The following PDZD2 variants were observed in gnomAD, a reference collection of about 807,000 sequenced individuals.
PDZD2 encodes the protein PDZ domain containing 2.
PDZD2 carries 90 observed loss-of-function variants against 220.7 expected under a neutral mutation model. The ratio of observed to expected loss-of-function variants is 0.41; its 90% CI spans 0.34 to 0.49. PDZD2 has a LOEUF of 0.49. Among genes scored for constraint, PDZD2 ranks in the 20% least tolerant of loss-of-function variants. The pLI is 0.28. For synonymous variants in PDZD2, 1,375 were observed against 1,450.5 expected, an observed-to-expected ratio of 0.95 and a Z score of 1.18; for missense variants, 3,174 against 3,608.5, an observed-to-expected ratio of 0.88 and a Z score of 3.08.
At position 32,019,139 on chromosome 5, in the gene PDZD2, C is replaced by CTTTT. The variant is rs3037908; in HGVS notation, c.1407+8674_1407+8677dup. Among the ~76,000 whole-genome samples, 60 of 106,184 alleles carry CTTTT rather than the reference C, an allele frequency of 5.7e-4. 1 individual carries two copies. Among genetic ancestry groups the CTTTT allele is most frequent in the African/African-American group, 7.6e-4 (21 of 27,550 alleles). 69.7% of individuals were successfully genotyped at this position (106,184 alleles called of 152,430 possible). A position where few individuals can be genotyped will look rare whatever the true frequency, so the allele number is the denominator to read the frequency against. The stretch of plus-strand genomic sequence containing the variant: ...AGCTCATGTCATTTGCATAGAAAAG[C>CTTTT]TTTTTTTTTTTTTTTTTTTTGAGAC... On this transcript the variant is annotated intron_variant, in intron 6 of 24. Transcript: ENST00000438447.
intron 1 of PDZD2, among the ~76,000 whole-genome samples, chr5:31,683,640 G>T (rs1357082110): frequency 3.9e-5 from 6 of 152,108 alleles, no homozygotes; most frequent in Admixed American, 2.0e-4. Context: ...GCTCATAAAG[G>T]TTTCCTGCAT....
At chr5:31,963,576 C>G (rs529331778) in intron 2 of PDZD2, among the ~76,000 whole-genome samples, 2 of 152,190 alleles carry the variant, frequency 1.3e-5, no homozygotes, top group Non-Finnish European at 2.9e-5. Context: ...CCCGCAGCCT[C>G]GCTGGGATGG....
intron 2 of PDZD2, among the ~76,000 whole-genome samples, chr5:31,873,739 C>CTTT (rs112360135): frequency 0.36 from 51,744 of 144,896 alleles, 9,462 homozygotes; most frequent in South Asian, 0.48. Context: ...AGTCTTGAGT[C>CTTT]TTTTTTTTTT....
At chr5:31,770,636 C>T (rs971025510) in intron 1 of PDZD2, among the ~76,000 whole-genome samples, 1 of 152,052 alleles carries the variant, frequency 6.6e-6, no homozygotes, top group Non-Finnish European at 1.5e-5. Context: ...CTGGTCCAGG[C>T]CAGATTCCTG....
At position 31,654,932 on chromosome 5, in the gene PDZD2, C is replaced by T. The variant is rs190620922; in HGVS notation, c.-361+15495C>T. The stretch of plus-strand genomic sequence containing the variant: ...CCACCAGACCCTTGGTGGGTTCTCC[C>T]CTCCCCTTGCCCTTCCTGTTCTGAT... On this transcript the variant is annotated intron_variant, in intron 1 of 24. Coordinates refer to ENST00000438447, the MANE Select transcript of PDZD2 (RefSeq NM_178140.4). 4.5e-4 allele frequency among the ~76,000 whole-genome samples: 68 copies of T among 152,228 alleles called. 1 individual carries two copies. Among genetic ancestry groups the T allele is most frequent in the East Asian group, 9.7e-4 (5 of 5,154 alleles).
rs148818436 is a variant in PDZD2 at position 31,769,436 on chromosome 5, G to A, written c.-360-29453G>A. Among the ~76,000 whole-genome samples, 196 of 152,280 alleles carry A rather than the reference G, an allele frequency of 1.3e-3. 6 individuals carry two copies. In the East Asian group the frequency reaches 0.034, roughly 26 times the overall value. On this transcript the variant is annotated intron_variant, in intron 1 of 24. Coordinates refer to ENST00000438447, the MANE Select transcript of PDZD2 (RefSeq NM_178140.4). ...CACCAAGCAAATGTTTCCCGATTACGAATTGTAATTTGGGATTTCAATGTC... is the reference window on the plus strand; with the variant it reads ...CACCAAGCAAATGTTTCCCGATTACAAATTGTAATTTGGGATTTCAATGTC...
chr5:32,074,901 C>G (rs548730606), intron 18 of PDZD2, among the ~76,000 whole-genome samples: 1,874 of 152,096 alleles, frequency 0.012, 52 homozygotes, highest in African/African-American at 0.044. Context: ...ACCTCCGCCT[C>G]CCAGGTTCAA....
At chr5:31,720,262 C>T (rs1184276748) in intron 1 of PDZD2, among the ~76,000 whole-genome samples, 1 of 152,176 alleles carries the variant, frequency 6.6e-6, no homozygotes, top group Non-Finnish European at 1.5e-5. Flanking sequence ...TAAAGATGTG[C>T]AGAATCAGAA....
At chr5:32,081,082 A>G (rs1741903334) in intron 19 of PDZD2, among the ~76,000 whole-genome samples, 1 of 152,128 alleles carries the variant, frequency 6.6e-6, no homozygotes, top group Admixed American at 6.6e-5. Context: ...AACTTAAAAA[A>G]AAAAAAAAAT....
intron 1 of PDZD2, among the ~76,000 whole-genome samples, chr5:31,764,164 T>A (rs986126653): frequency 6.6e-6 from 1 of 152,210 alleles, no homozygotes; most frequent in East Asian, 1.9e-4. Flanking sequence ...CTTCACGGCA[T>A]CAGCCCATCA....
chr5:31,690,165 C>CT (rs35659397), intron 1 of PDZD2, among the ~76,000 whole-genome samples: 1 of 152,070 alleles, frequency 6.6e-6, no homozygotes, highest in African/African-American at 2.4e-5. Flanking sequence ...TGTCAAAGTG[C>CT]TTTTTGGTCT....
At chr5:32,025,943 C>T (rs1754626733) in intron 6 of PDZD2, among the ~76,000 whole-genome samples, 1 of 152,034 alleles carries the variant, frequency 6.6e-6, no homozygotes, top group Non-Finnish European at 1.5e-5. Context: ...AAATGGCATG[C>T]CCAGTTAAAA....
At chr5:31,847,370 A>G in intron 2 of PDZD2, 2 of 439,544 alleles carry the variant, frequency 4.6e-6, no homozygotes, top group Non-Finnish European at 8.6e-6. Flanking sequence ...CTATGCTAAG[A>G]AACGCTTGGT....
chr5:31,760,156 G>A (rs922253076), intron 1 of PDZD2, among the ~76,000 whole-genome samples: 1 of 152,058 alleles, frequency 6.6e-6, no homozygotes, highest in Non-Finnish European at 1.5e-5. Context: ...TGGCCATTGC[G>A]TTGATGGCTC....
At chr5:31,894,043 C>T (rs955038701) in intron 2 of PDZD2, among the ~76,000 whole-genome samples, 7 of 145,002 alleles carry the variant, frequency 4.8e-5, no homozygotes, top group East Asian at 2.1e-4. Context: ...TACAGGCATG[C>T]GCCACCACGC....
chr5:32,106,027 G>A (rs1198027842), intron 24 of PDZD2: 1 of 151,720 alleles, frequency 6.6e-6, no homozygotes, highest in Non-Finnish European at 1.5e-5. Flanking sequence ...GTTTGGGTGG[G>A]GGATGGTTTC....
chr5:31,656,785 A>G (rs1253887910), intron 1 of PDZD2, among the ~76,000 whole-genome samples: 1 of 152,224 alleles, frequency 6.6e-6, no homozygotes, highest in Admixed American at 6.5e-5. Flanking sequence ...ATTCAAAGTA[A>G]TAAAATTTTA....
intron 1 of PDZD2, among the ~76,000 whole-genome samples, chr5:31,726,659 T>C (rs1168083753): frequency 6.6e-6 from 1 of 152,266 alleles, no homozygotes; most frequent in East Asian, 1.9e-4. Flanking sequence ...CTGGGAGGAT[T>C]GCAGGAGGAC....
chr5:31,675,459 C>T (rs921845249), intron 1 of PDZD2, among the ~76,000 whole-genome samples: 1 of 152,184 alleles, frequency 6.6e-6, no homozygotes, highest in Non-Finnish European at 1.5e-5. Context: ...TCTGCGTTGG[C>T]TGCCAATCCT....
Sources: allele counts gnomAD v4.1 joint callset (sites outside exome capture counted in the v4.1 genomes callset), GRCh38; gene constraint gnomAD v4.1.1; transcripts MANE v1.5; gene names NCBI Gene and HGNC (gene_info 2026-07-23, HGNC 2026-07-21).